ATP10B: variants seen among roughly 807,000 people sequenced by gnomAD.
The protein encoded by ATP10B is phospholipid-transporting ATPase VB.
A neutral mutation model predicts 141.2 loss-of-function variants in ATP10B; 122 were observed. The ratio of observed to expected loss-of-function variants is 0.86; its 90% CI spans 0.75 to 1.00. The LOEUF (loss-of-function observed/expected upper bound fraction) is 1.00, where lower values mean the gene tolerates loss of function less well. ATP10B is among the 50% of genes least tolerant of loss of function. The pLI is 0.00. For missense variants in ATP10B, 1,876 were observed against 1,825.3 expected (o/e 1.03, Z -0.51); for synonymous variants, 685 against 692.0 (o/e 0.99, Z 0.16).
upstream of ATP10B, among the ~76,000 whole-genome samples, chr5:160,854,370 CCT>C (rs982364554): frequency 6.6e-6 from 1 of 151,996 alleles, no homozygotes; most frequent in Non-Finnish European, 1.5e-5. Context: ...ATGTTTCTTC[CCT>C]GTGTCCATGT....
At chr5:160,615,723 C>T in intron 17 of ATP10B, 115 bp downstream of exon 17, 1 of 1,356,098 alleles carries the variant, frequency 7.4e-7, no homozygotes, top group Non-Finnish European at 1.0e-6. Flanking sequence ...GGAAGGGAAC[C>T]CCAGGGAAGG....
chr5:160,814,780 T>G (rs1410306118), intron 1 of ATP10B, among the ~76,000 whole-genome samples: 1 of 150,806 alleles, frequency 6.6e-6, no homozygotes, highest in Non-Finnish European at 1.5e-5. Flanking sequence ...GACTAACAGC[T>G]GATCTCTCAG....
intron 2 of ATP10B, among the ~76,000 whole-genome samples, chr5:160,768,927 C>T (rs1769679668): frequency 1.3e-5 from 2 of 152,164 alleles, no homozygotes; most frequent in South Asian, 4.1e-4. Flanking sequence ...GACAGGTGAA[C>T]TCTGAAAACA....
chr5:160,872,998 T>C, the ATP10B span, among the ~76,000 whole-genome samples: 1 of 152,232 alleles, frequency 6.6e-6, no homozygotes, highest in South Asian at 2.1e-4. Flanking sequence ...GTTCTACCCA[T>C]CCATGAGCAC....
At chr5:160,583,305 C>A (rs1755670755) in intron 24 of ATP10B, among the ~76,000 whole-genome samples, 1 of 152,050 alleles carries the variant, frequency 6.6e-6, no homozygotes, top group Admixed American at 6.5e-5. Context: ...CTATTCCTTT[C>A]TGTTTGTTAG....
intron 23 of ATP10B, among the ~76,000 whole-genome samples, chr5:160,590,823 G>GA (rs746592885): frequency 1.1e-4 from 17 of 152,002 alleles, no homozygotes; most frequent in Non-Finnish European, 2.9e-5. Flanking sequence ...TGCTATGAGG[G>GA]AAAAAATGAC....
chr5:160,893,147 A>G, the ATP10B span, among the ~76,000 whole-genome samples: 1 of 152,130 alleles, frequency 6.6e-6, no homozygotes, highest in Non-Finnish European at 1.5e-5. Flanking sequence ...AGCTAGCTGC[A>G]GGAGTTTTTT....
chr5:160,847,688 C>T (rs573372475), intron 1 of ATP10B, among the ~76,000 whole-genome samples: 1 of 152,150 alleles, frequency 6.6e-6, no homozygotes, highest in Non-Finnish European at 1.5e-5. Context: ...ATTATTGTGT[C>T]AAGTTCACTT....
At chr5:160,790,633 G>A (rs1202073126) in intron 1 of ATP10B, among the ~76,000 whole-genome samples, 1 of 152,124 alleles carries the variant, frequency 6.6e-6, no homozygotes, top group Non-Finnish European at 1.5e-5. Flanking sequence ...TTGTGTTATT[G>A]CACCTGTAAA....
chr5:160,668,879 G>C (rs6556511), intron 7 of ATP10B, among the ~76,000 whole-genome samples: 124,457 of 152,200 alleles, frequency 0.82, 51,215 homozygotes, highest in South Asian at 0.88. Flanking sequence ...ACACAAAAAG[G>C]GTTTTATGAG....
intron 24 of ATP10B, 139 bp downstream of exon 24, chr5:160,589,453 A>G: frequency 2.9e-6 from 2 of 683,768 alleles, no homozygotes; most frequent in Middle Eastern, 8.1e-4. Context: ...TCATCCCTGT[A>G]CAGGTAGGAC....
chr5:160,765,872 A>G (rs999124515), intron 2 of ATP10B, among the ~76,000 whole-genome samples: 59 of 152,254 alleles, frequency 3.9e-4, no homozygotes, highest in African/African-American at 1.4e-3. Context: ...AAAACAAATA[A>G]TCCCATCAAA....
At chr5:160,628,723 G>T (rs1360168735) in intron 13 of ATP10B, among the ~76,000 whole-genome samples, 1 of 152,114 alleles carries the variant, frequency 6.6e-6, no homozygotes, top group Non-Finnish European at 1.5e-5. Context: ...CATTCTGCAA[G>T]TGGCATTTTT....
chr5:160,890,927 T>A, the ATP10B span, among the ~76,000 whole-genome samples: 1 of 152,166 alleles, frequency 6.6e-6, no homozygotes, highest in Non-Finnish European at 1.5e-5. Flanking sequence ...CCAGGCTGAA[T>A]TGGACTGTTT....
chr5:160,835,835 T>C (rs377110813), intron 1 of ATP10B, among the ~76,000 whole-genome samples: 10 of 152,164 alleles, frequency 6.6e-5, no homozygotes, highest in Admixed American at 2.6e-4. Flanking sequence ...CTCTGATTGG[T>C]AGTCACATCC....
intron 2 of ATP10B, among the ~76,000 whole-genome samples, chr5:160,782,756 G>A (rs1364110605): frequency 6.6e-6 from 1 of 151,020 alleles, no homozygotes; most frequent in African/African-American, 2.4e-5. Flanking sequence ...AATTCCTGAG[G>A]TGCAATACTA....
At chr5:160,595,717 C>A (rs570542242) in intron 22 of ATP10B, among the ~76,000 whole-genome samples, 1 of 152,032 alleles carries the variant, frequency 6.6e-6, no homozygotes, top group South Asian at 2.1e-4. Context: ...GATATCACCA[C>A]CGATCCCACA....
chr5:160,634,183 G>A (rs1292690272), intron 12 of ATP10B, 171 bp downstream of exon 12: 4 of 911,876 alleles, frequency 4.4e-6, no homozygotes, highest in Non-Finnish European at 7.2e-6. Flanking sequence ...CAAGTAATTG[G>A]AACAGCCCTG....
chr5:160,810,159 T>C (rs1773051812), intron 1 of ATP10B, among the ~76,000 whole-genome samples: 3 of 152,114 alleles, frequency 2.0e-5, no homozygotes, highest in Admixed American at 2.0e-4. Flanking sequence ...TCTAGTTCAT[T>C]AGTTTGTTTT....
Sources: gnomAD v4.1 joint callset for allele counts (sites outside exome capture counted in the v4.1 genomes callset) on GRCh38, gnomAD v4.1.1 for gene constraint, MANE v1.5 for transcripts, NCBI Gene and HGNC (gene_info 2026-07-23, HGNC 2026-07-21) for gene names.